MBTPS2: variants seen among roughly 807,000 people sequenced by gnomAD.
MBTPS2 encodes membrane bound transcription factor peptidase, site 2.
A neutral mutation model predicts 35.4 loss-of-function variants in MBTPS2; 2 were observed. The ratio of observed to expected loss-of-function variants is 0.06; its 90% CI spans 0.02 to 0.18. MBTPS2 has a LOEUF of 0.18. MBTPS2 is among the 10% of genes least tolerant of loss of function. MBTPS2 has a pLI of 1.00. For synonymous variants in MBTPS2, 125 were observed against 140.4 expected (o/e 0.89, Z 0.77); for missense variants, 244 against 386.5 (o/e 0.63, Z 3.09).
rs2092907383 is a variant in MBTPS2 at position 21,845,311 on chromosome X, C to T, written c.365C>T (p.Ser122Phe). The stretch of plus-strand genomic sequence containing the variant: ...TCTTCCTCCTCTTCTTCCTCTTCCT[C>T]CTCTTCTTCCTCTTCCTCTTCTTCA... ...SYSSSSSSSS[S>F]SSSSSSSSSS... Residue 122 changes from serine (S) to phenylalanine (F), a missense_variant, in exon 3 of 11, where the codon TCC (serine) becomes TTC (phenylalanine). Coordinates refer to ENST00000379484, the MANE Select transcript of MBTPS2 (RefSeq NM_015884.4). 8.4e-7 allele frequency: 1 copy of T among 1,183,932 alleles called. No homozygotes were observed. The highest frequency in any genetic ancestry group is 1.8e-5 in the African/African-American group (1 of 56,631).
rs773759088 is a variant in MBTPS2, at chrX:21,851,556, G to A, written c.486G>A (p.Thr162=). ...TCAATCAACTGACCTATTTCTTCAC[G>A]GCAGTTCTCATTAGTGGTGTTGTAC... is the stretch of plus-strand genomic sequence containing the variant. ...LPVNQLTYFF[T]AVLISGVVHE... is the part of the protein sequence containing the mutation. The change falls in exon 4 of 11, where the codon ACG becomes ACA. Residue 162 remains threonine, a synonymous_variant. Coordinates refer to ENST00000379484, the MANE Select transcript of MBTPS2 (RefSeq NM_015884.4). 7 of 1,208,573 alleles carry A rather than the reference G, an allele frequency of 5.8e-6. No individual in the cohort carries two copies. The highest frequency in any genetic ancestry group is 4.4e-5 in the Admixed American group (2 of 45,956).
Position 21,879,949 on chromosome X carries a change from C to CTTT in MBTPS2, c.1262-929_1262-927dup, listed in dbSNP as rs60769329. 6.1e-4 allele frequency among the ~76,000 whole-genome samples: 29 copies of CTTT among 47,374 alleles called. 1 individual carries two copies. Among genetic ancestry groups the CTTT allele is most frequent in the African/African-American group, 1.3e-3 (10 of 7,486 alleles). 41.1% of individuals were successfully genotyped at this position (47,374 alleles called of 115,157 possible). ...ATGGATATGTGGGTTTTATGTTATTCTTTTTTTTTTTTTTTTTTTTTGAGA... is the reference window on the plus strand; with the variant it reads ...ATGGATATGTGGGTTTTATGTTATTCTTTTTTTTTTTTTTTTTTTTTTTTGAGA... On this transcript the variant is annotated intron_variant, in intron 9 of 10. Transcript: ENST00000379484.
At chrX:21,856,856 G>A in intron 5 of MBTPS2, 9 of 1,211,052 alleles carry the variant, frequency 7.4e-6, no homozygotes, top group African/African-American at 1.7e-5. Context: ...CCTCTCTGTC[G>A]GCCTCGGCGG....
intron 7 of MBTPS2, chrX:21,873,022 G>A (rs747299937): frequency 9.0e-6 from 1 of 111,203 alleles, no homozygotes; most frequent in Non-Finnish European, 1.9e-5. Flanking sequence ...GTAGAATTCA[G>A]TACACATAAC....
intron 5 of MBTPS2, chrX:21,856,802 C>T: frequency 8.3e-7 from 1 of 1,211,650 alleles, no homozygotes; most frequent in Non-Finnish European, 1.1e-6. Context: ...ACCAGTTGGC[C>T]CTCCCGGATA....
chrX:21,883,251 T>G lies in MBTPS2; in HGVS notation c.*596T>G. On this transcript the variant is annotated 3_prime_UTR_variant, in exon 11 of 11. Coordinates refer to ENST00000379484, the MANE Select transcript of MBTPS2 (RefSeq NM_015884.4). ...AAAATCTTTGTCAAATGATACCAAA[T>G]AAATGAACAAAACAGGAAGTAGGGC... 1.3e-6 allele frequency: 1 copy of G among 757,789 alleles called. No individual in the cohort carries two copies. Among genetic ancestry groups the G allele is most frequent in the Non-Finnish European group, 1.6e-6 (1 of 641,066 alleles). 62.5% of individuals were successfully genotyped at this position (757,789 alleles called of 1,213,427 possible).
intron 5 of MBTPS2, among the ~76,000 whole-genome samples, chrX:21,862,933 C>CATACATATATATATATATAT (rs2092934109): frequency 7.2e-5 from 2 of 27,675 alleles, no homozygotes; most frequent in East Asian, 3.3e-3. Flanking sequence ...TATATATAAA[C>CATACATATATATATATATAT]ATATATATAT....
chrX:21,856,231 G>T (rs975645133), intron 5 of MBTPS2: 10 of 382,458 alleles, frequency 2.6e-5, no homozygotes, highest in South Asian at 5.7e-5. Context: ...GCATGCGTCT[G>T]GCTATCCCAG....
At chrX:21,844,398 A>G (rs1224972242) in intron 2 of MBTPS2, among the ~76,000 whole-genome samples, 2 of 111,123 alleles carry the variant, frequency 1.8e-5, no homozygotes, top group Non-Finnish European at 3.8e-5. Flanking sequence ...CTGTGGTCCC[A>G]GCTACTTGGG....
rs141654651 is a variant in MBTPS2 at position 21,856,691 on chromosome X, G to A, written c.670+3188G>A. On this transcript the variant is annotated intron_variant, in intron 5 of 10. Transcript: ENST00000379484. The stretch of plus-strand genomic sequence containing the variant: ...TGTTGCAGCCGCTCTTCACGAACAC[G>A]GGCTATGGCGACCACGACCAGGAAA... 4.4e-4 allele frequency: 536 copies of A among 1,209,932 alleles called. 3 individuals carry two copies. The highest frequency in any genetic ancestry group is 3.8e-3 in the South Asian group (215 of 56,802).
At chrX:21,882,325 G>T (rs2092960373) in intron 10 of MBTPS2, 108 bp from the exon 11 acceptor site, 2 of 599,985 alleles carry the variant, frequency 3.3e-6, no homozygotes, top group Admixed American at 4.7e-5. Flanking sequence ...AAGTAGAGAA[G>T]TCAAGTGTAA....
At chrX:21,875,304 C>T (rs774801025) in intron 7 of MBTPS2, among the ~76,000 whole-genome samples, 11 of 112,123 alleles carry the variant, frequency 9.8e-5, no homozygotes, top group Admixed American at 1.9e-4. Context: ...TTTCTGGTTT[C>T]TGTTGGGACA....
rs1428162253 is a variant in MBTPS2, at chrX:21,878,799, G to T, written c.1261+107G>T. 1.2e-5 allele frequency: 7 copies of T among 576,493 alleles called. No homozygotes were observed. The Admixed American group carries it at 1.6e-4, about 13-fold the overall frequency. 47.5% of individuals were successfully genotyped at this position (576,493 alleles called of 1,213,427 possible). A position where few individuals can be genotyped will look rare whatever the true frequency, so the allele number is the denominator to read the frequency against. On this transcript the variant is annotated intron_variant, in intron 9 of 10. Coordinates refer to ENST00000379484, the MANE Select transcript of MBTPS2 (RefSeq NM_015884.4). ...GAATTAATACATTTATTATAAATTT[G>T]ATCATTTATCAAAGTCTTGTTAACT...
intron 5 of MBTPS2, chrX:21,857,725 AT>A (rs1409130046): frequency 1.2e-6 from 1 of 817,240 alleles, no homozygotes; most frequent in Non-Finnish European, 1.7e-6. Context: ...AATCCTGCAC[AT>A]TTAAGGTTCG....
rs746846249 is a variant in MBTPS2, at chrX:21,863,857, C to T, written c.671-4610C>T. The stretch of plus-strand genomic sequence containing the variant: ...GCTTTGCCCTGCCGTCTTTCCCAGG[C>T]AAGGGGGCAAGGTTAGGGGTGGGGA... On this transcript the variant is annotated intron_variant, in intron 5 of 10. Coordinates refer to ENST00000379484, the MANE Select transcript of MBTPS2 (RefSeq NM_015884.4). 3.6e-5 allele frequency among the ~76,000 whole-genome samples: 4 copies of T among 111,730 alleles called. No individual in the cohort carries two copies. In the East Asian group the frequency reaches 1.1e-3, roughly 31 times the overall value.
chrX:21,873,416 G>C (rs2092949444), intron 7 of MBTPS2, among the ~76,000 whole-genome samples: 1 of 112,051 alleles, frequency 8.9e-6, no homozygotes, highest in Non-Finnish European at 1.9e-5. Context: ...TGGCTCTTTT[G>C]GGGGACTATT....
At chrX:21,864,480 C>T (rs762519890) in intron 5 of MBTPS2, among the ~76,000 whole-genome samples, 53 of 111,563 alleles carry the variant, frequency 4.8e-4, no homozygotes, top group African/African-American at 1.5e-3. Context: ...GTGATCCACC[C>T]GCCTCAGCCT....
rs1430816006 is a variant in MBTPS2, at chrX:21,878,524, G to A, written c.1093G>A (p.Val365Ile). The change falls in exon 9 of 11, where the codon GTT (valine) becomes ATT (isoleucine). Residue 365 changes from valine to isoleucine, a missense_variant. By Grantham distance (29) the Val-to-Ile change is conservative. Coordinates refer to ENST00000379484, the MANE Select transcript of MBTPS2 (RefSeq NM_015884.4). The stretch of plus-strand genomic sequence containing the variant: ...TACATGTCTTCCTGCCCGGAAAGCA[G>A]TTGAAGCAACTCAAGTTTGCAGAAC... Reference protein sequence around the residue: ...LHTCLPARKAVEATQVCRTNK... With the variant: ...LHTCLPARKAIEATQVCRTNK... 6 of 1,207,741 alleles carry A rather than the reference G, an allele frequency of 5.0e-6. No homozygotes were observed. In the East Asian group the frequency reaches 1.8e-4, roughly 36 times the overall value.
chrX:21,882,433 G>A lies in MBTPS2; in HGVS notation c.1338G>A (p.Lys446=). 1.7e-6 allele frequency: 2 copies of A among 1,205,886 alleles called. No individual in the cohort carries two copies. The highest frequency in any genetic ancestry group is 3.5e-5 in the South Asian group (2 of 56,852). Residue 446 remains lysine (K), a splice_region_variant and synonymous_variant, in exon 11 of 11, where the codon AAG becomes AAA. Transcript: ENST00000379484. ...GGTTCCTTAACTGATTTTAACCCAG[G>A]TACCTGATTTCCCTCTCAGGAGCTC... ...DLPVVVETFV[K]YLISLSGALA... is the part of the protein sequence containing the mutation.
Sources: allele counts gnomAD v4.1 joint callset (sites outside exome capture counted in the v4.1 genomes callset), GRCh38; gene constraint gnomAD v4.1.1; transcripts MANE v1.5; gene names NCBI Gene and HGNC (gene_info 2026-07-23, HGNC 2026-07-21).